Variants in EYS observed in about 807,000 individuals in gnomAD.
EYS encodes protein eyes shut homolog.
EYS carries 250 observed loss-of-function variants against 282.1 expected under a neutral mutation model. The ratio of observed to expected loss-of-function variants is 0.89; its 90% CI spans 0.80 to 0.98. EYS has a LOEUF of 0.98. Ranked by LOEUF, EYS falls within the 50% of genes least tolerant of loss-of-function variation. The pLI, the probability that EYS is intolerant of heterozygous loss-of-function variation, is 0.00. For synonymous variants in EYS, 1,355 were observed against 1,282.9 expected (o/e 1.06, Z -1.20); for missense variants, 4,016 against 3,709.0 (o/e 1.08, Z -2.15).
At chr6:63,756,737 A>G (rs1769494959) in intron 41 of EYS, among the ~76,000 whole-genome samples, 1 of 152,164 alleles carries the variant, frequency 6.6e-6, no homozygotes, top group Non-Finnish European at 1.5e-5. Flanking sequence ...ATTTCATTTT[A>G]ATATGGACAT....
At chr6:65,426,783 T>A in intron 5 of EYS, among the ~76,000 whole-genome samples, 1 of 152,130 alleles carries the variant, frequency 6.6e-6, no homozygotes, top group East Asian at 1.9e-4. Flanking sequence ...GTAAAAATTT[T>A]GTTTTAGGAG....
At position 64,066,499 on chromosome 6, in the gene EYS, A is replaced by C; in HGVS notation, c.6572-8T>G. The C allele has an allele frequency of 6.8e-7, 1 of 1,471,212 alleles. No individual in the cohort carries two copies. The highest frequency in any genetic ancestry group is 1.2e-5 in the South Asian group (1 of 80,188). The allele number at this position is 1,471,212 out of a possible 1,614,324, so 91.1% of individuals were successfully genotyped here. On this transcript the variant is annotated splice_polypyrimidine_tract_variant and splice_region_variant and intron_variant, in intron 32 of 42. Transcript: ENST00000503581. ...CACAATTATTCCCATTACCTTTAAG[A>C]AAAAAAGAATATATTAGTAATTATT...
intron 35 of EYS, among the ~76,000 whole-genome samples, chr6:63,893,975 C>T (rs1045258988): frequency 1.3e-5 from 2 of 152,110 alleles, no homozygotes; most frequent in East Asian, 1.9e-4. Context: ...TTGAGGGGGG[C>T]TTACGCATTT....
chr6:64,709,978 T>C (rs1028890298), intron 22 of EYS, among the ~76,000 whole-genome samples: 2 of 152,306 alleles, frequency 1.3e-5, no homozygotes, highest in Admixed American at 1.3e-4. Context: ...ACAGAAATTG[T>C]CCCTCAAATT....
At chr6:64,306,413 A>C (rs550792984) in intron 30 of EYS, among the ~76,000 whole-genome samples, 1 of 152,264 alleles carries the variant, frequency 6.6e-6, no homozygotes, top group African/African-American at 2.4e-5. Context: ...CCTCTTAATA[A>C]CAGGGAAGAA....
intron 13 of EYS, among the ~76,000 whole-genome samples, chr6:65,055,222 A>G (rs757899168): frequency 1.3e-5 from 2 of 152,054 alleles, no homozygotes; most frequent in Non-Finnish European, 2.9e-5. Flanking sequence ...GCTTCAAGCA[A>G]TCCTTTTGCC....
At chr6:64,725,171 A>T (rs962780448) in intron 22 of EYS, among the ~76,000 whole-genome samples, 2 of 152,158 alleles carry the variant, frequency 1.3e-5, no homozygotes, top group Non-Finnish European at 2.9e-5. Flanking sequence ...TGTTGCTTGT[A>T]ATATGTAGGA....
intron 30 of EYS, among the ~76,000 whole-genome samples, chr6:64,259,648 G>GTGCA (rs1471407875): frequency 9.3e-4 from 59 of 63,288 alleles, no homozygotes; most frequent in African/African-American, 3.6e-3. Context: ...TTTTACACAC[G>GTGCA]CGCACACACA....
intron 33 of EYS, among the ~76,000 whole-genome samples, chr6:64,023,144 A>G (rs934211421): frequency 6.6e-6 from 1 of 152,240 alleles, no homozygotes; most frequent in Non-Finnish European, 1.5e-5. Flanking sequence ...TGCACTTAGC[A>G]TAAAGTTTTC....
chr6:65,246,294 CT>C (rs1022814691), intron 12 of EYS, among the ~76,000 whole-genome samples: 32 of 152,024 alleles, frequency 2.1e-4, no homozygotes, highest in African/African-American at 6.8e-4. Flanking sequence ...GTATAGGTGA[CT>C]TTTCTGCCTA....
chr6:64,029,881 A>T (rs998129162), intron 33 of EYS, among the ~76,000 whole-genome samples: 2 of 152,250 alleles, frequency 1.3e-5, no homozygotes, highest in African/African-American at 2.4e-5. Flanking sequence ...CTACATGCCC[A>T]TGCTGCAATA....
At chr6:65,078,192 A>G (rs374318580) in intron 12 of EYS, among the ~76,000 whole-genome samples, 8 of 152,112 alleles carry the variant, frequency 5.3e-5, no homozygotes, top group South Asian at 2.1e-4. Flanking sequence ...TCACATATTT[A>G]TATGCCAGCA....
At chr6:65,288,244 T>C (rs572031109) in intron 12 of EYS, among the ~76,000 whole-genome samples, 1 of 151,034 alleles carries the variant, frequency 6.6e-6, no homozygotes, top group African/African-American at 2.4e-5. Context: ...ACAAACATAT[T>C]ATGTCTGAGG....
At chr6:65,055,388 A>G (rs1773382531) in intron 13 of EYS, among the ~76,000 whole-genome samples, 1 of 152,074 alleles carries the variant, frequency 6.6e-6, no homozygotes, top group Non-Finnish European at 1.5e-5. Flanking sequence ...CAAGGATAGT[A>G]CAGAGAGGTC....
At chr6:65,188,999 G>A (rs547924358) in intron 12 of EYS, among the ~76,000 whole-genome samples, 1 of 151,334 alleles carries the variant, frequency 6.6e-6, no homozygotes, top group Admixed American at 6.6e-5. Flanking sequence ...AATTTGTAAA[G>A]GTAACCATAT....
rs563821672 is a variant in EYS, at chr6:65,572,774, A to G, written c.-333+67004T>C. On this transcript the variant is annotated intron_variant, in intron 2 of 42. Transcript: ENST00000503581. The stretch of plus-strand genomic sequence containing the variant: ...ATGTGTACCTTTTGCTAAGCGAAAC[A>G]TTAATATATTTATATATGTACTCCC... Among the ~76,000 whole-genome samples the G allele has an allele frequency of 3.3e-5, 5 of 152,294 alleles. No homozygotes were observed. The South Asian group carries it at 6.2e-4, about 19-fold the overall frequency.
At chr6:64,536,056 C>T (rs898350779) in intron 26 of EYS, among the ~76,000 whole-genome samples, 1 of 151,644 alleles carries the variant, frequency 6.6e-6, no homozygotes, top group Admixed American at 6.6e-5. Context: ...TTTCTAATAC[C>T]ATATATCAAC....
At chr6:65,157,689 A>G (rs1028413327) in intron 12 of EYS, among the ~76,000 whole-genome samples, 15 of 150,776 alleles carry the variant, frequency 9.9e-5, no homozygotes, top group South Asian at 2.1e-4. Flanking sequence ...TTCTTAAAAT[A>G]TTATATCTAT....
chr6:64,409,733 T>C (rs936635440), intron 28 of EYS, among the ~76,000 whole-genome samples: 1 of 152,178 alleles, frequency 6.6e-6, no homozygotes, highest in African/African-American at 2.4e-5. Context: ...AGATACATGG[T>C]TTTTGTTCAG....
Sources: gnomAD v4.1 joint callset for allele counts (sites outside exome capture counted in the v4.1 genomes callset) on GRCh38, gnomAD v4.1.1 for gene constraint, MANE v1.5 for transcripts, NCBI Gene and HGNC (gene_info 2026-07-23, HGNC 2026-07-21) for gene names.